The following GCNT1 variants were observed in gnomAD, a reference collection of about 807,000 sequenced individuals.
The protein encoded by GCNT1 is glucosaminyl (N-acetyl) transferase 1.
Under a neutral mutation model 26.2 loss-of-function variants are expected in GCNT1, and 16 were observed. The observed-to-expected ratio is 0.61, with a 90% CI of 0.41 to 0.93. The LOEUF (loss-of-function observed/expected upper bound fraction) is 0.93. GCNT1 is among the 40% of genes least tolerant of loss of function. The pLI, the probability that GCNT1 is intolerant of heterozygous loss-of-function variation, is 0.00. For missense variants in GCNT1, 477 were observed against 526.7 expected, an observed-to-expected ratio of 0.91 and a Z score of 0.92; for synonymous variants, 183 against 190.8, an observed-to-expected ratio of 0.96 and a Z score of 0.34.
chr9:76,409,500 T>C, the GCNT1 span, among the ~76,000 whole-genome samples: 58,767 of 152,016 alleles, frequency 0.39, 12,040 homozygotes, highest in Non-Finnish European at 0.44. Flanking sequence ...GCCCAGAGTG[T>C]GGTGGTGCAA....
upstream of GCNT1, among the ~76,000 whole-genome samples, chr9:76,441,297 C>G (rs1212847238): frequency 6.6e-6 from 1 of 152,028 alleles, no homozygotes; most frequent in Admixed American, 6.5e-5. Context: ...AGGTGCCCAC[C>G]ACCATGCCTG....
At chr9:76,458,608 A>G (rs117737426), upstream of GCNT1, among the ~76,000 whole-genome samples, 2 of 152,370 alleles carry the variant, frequency 1.3e-5, no homozygotes, top group Non-Finnish European at 2.9e-5. Context: ...GTCAACTTTT[A>G]TAACTGACAC....
intron 2 of GCNT1, among the ~76,000 whole-genome samples, chr9:76,486,936 C>G (rs1824595661): frequency 6.6e-6 from 1 of 151,836 alleles, no homozygotes; most frequent in East Asian, 1.9e-4. Flanking sequence ...AACAAACAAA[C>G]AAACAAAACT....
intron 1 of GCNT1, among the ~76,000 whole-genome samples, chr9:76,426,725 G>A (rs1292829111): frequency 3.3e-5 from 5 of 151,952 alleles, no homozygotes; most frequent in South Asian, 2.1e-4. Flanking sequence ...GCAAAACCCC[G>A]TCTCTATTAA....
At chr9:76,418,265 AG>A (rs1823149829), upstream of GCNT1, among the ~76,000 whole-genome samples, 1 of 152,220 alleles carries the variant, frequency 6.6e-6, no homozygotes, top group Non-Finnish European at 1.5e-5. Context: ...TGGAAACCAA[AG>A]TTTTATCATG....
At chr9:76,490,052 G>A (rs1275150961) in intron 2 of GCNT1, among the ~76,000 whole-genome samples, 11 of 152,234 alleles carry the variant, frequency 7.2e-5, no homozygotes, top group Non-Finnish European at 1.3e-4. Flanking sequence ...CAAGATGGCT[G>A]TCATGGGACC....
intron 2 of GCNT1, among the ~76,000 whole-genome samples, chr9:76,490,379 G>A (rs534844882): frequency 6.6e-6 from 1 of 152,250 alleles, no homozygotes; most frequent in East Asian, 1.9e-4. Flanking sequence ...GAGAGTGTGT[G>A]GTAGTAATGA....
the GCNT1 span, among the ~76,000 whole-genome samples, chr9:76,413,667 T>G: frequency 0.032 from 2,889 of 91,558 alleles, 60 homozygotes; most frequent in Non-Finnish European, 0.044. Flanking sequence ...TTTTTTTTTT[T>G]GTTTTTTTTT....
intron 2 of GCNT1, among the ~76,000 whole-genome samples, chr9:76,468,266 G>T (rs1824052377): frequency 6.6e-6 from 1 of 152,194 alleles, no homozygotes; most frequent in Non-Finnish European, 1.5e-5. Flanking sequence ...GGGATTCCTT[G>T]CCTAGCTGGA....
At chr9:76,489,898 G>T (rs142607348) in intron 2 of GCNT1, among the ~76,000 whole-genome samples, 12,542 of 152,004 alleles carry the variant, frequency 0.083, 569 homozygotes, top group Middle Eastern at 0.17. Flanking sequence ...CAGTGGGTCA[G>T]TCCAGGGGTC....
At chr9:76,410,356 C>T in the GCNT1 span, among the ~76,000 whole-genome samples, 1 of 152,106 alleles carries the variant, frequency 6.6e-6, no homozygotes, top group African/African-American at 2.4e-5. Context: ...CGCTTGAACC[C>T]AGGAGGCAGA....
intron 2 of GCNT1, among the ~76,000 whole-genome samples, chr9:76,462,565 A>G (rs1263143576): frequency 6.6e-6 from 1 of 152,242 alleles, no homozygotes; most frequent in African/African-American, 2.4e-5. Flanking sequence ...CTCCAGACAT[A>G]GGCAAATGTT....
chr9:76,501,876 C>G (rs1016896755), intron 3 of GCNT1: 1 of 152,198 alleles, frequency 6.6e-6, no homozygotes, highest in African/African-American at 2.4e-5. Context: ...ATAGACTGTT[C>G]AATCATTATT....
chr9:76,489,402 G>C (rs937176212), intron 2 of GCNT1, among the ~76,000 whole-genome samples: 2 of 152,210 alleles, frequency 1.3e-5, no homozygotes, highest in Non-Finnish European at 2.9e-5. Flanking sequence ...GACCCAAAGA[G>C]TGAGCAGCAG....
upstream of GCNT1, among the ~76,000 whole-genome samples, chr9:76,439,388 C>T (rs1823451920): frequency 6.6e-6 from 1 of 151,982 alleles, no homozygotes; most frequent in East Asian, 1.9e-4. Context: ...CCACGCCAGG[C>T]TAATTTTGGT....
intron 2 of GCNT1, among the ~76,000 whole-genome samples, chr9:76,468,187 G>A (rs73650224): frequency 0.098 from 14,902 of 152,042 alleles, 1,156 homozygotes; most frequent in African/African-American, 0.22. Context: ...GTGAGTCACC[G>A]CGCGCCGACC....
In GCNT1 at chr9:76,433,847, A is replaced by C. The variant is rs148632504; in HGVS notation, n.38+13960A>C. On this transcript the variant is annotated intron_variant and non_coding_transcript_variant, in intron 1 of 3. Coordinates refer to the GCNT1 transcript ENST00000488136. The stretch of plus-strand genomic sequence containing the variant: ...GGGGATTCTGACCCTTCTACTTTCT[A>C]GTGGCTGTGACTTCAGCCCTCAGTT... Among the ~76,000 whole-genome samples the C allele has an allele frequency of 1.8e-3, 268 of 152,316 alleles. 11 individuals are homozygous for C. The East Asian group carries it at 0.047, about 27-fold the overall frequency.
At chr9:76,494,868 G>A (rs543522173) in intron 2 of GCNT1, among the ~76,000 whole-genome samples, 5 of 152,212 alleles carry the variant, frequency 3.3e-5, no homozygotes, top group East Asian at 1.9e-4. Flanking sequence ...TCAGGACCCC[G>A]GAGCTGAATG....
chr9:76,500,372 AG>A (rs767099793), intron 2 of GCNT1, among the ~76,000 whole-genome samples: 3 of 152,212 alleles, frequency 2.0e-5, no homozygotes, highest in African/African-American at 2.4e-5. Context: ...TGAACCAGTA[AG>A]GGGCAGGAAT....
Sources: allele counts gnomAD v4.1 joint callset (sites outside exome capture counted in the v4.1 genomes callset), GRCh38; gene constraint gnomAD v4.1.1; transcripts MANE v1.5; gene names NCBI Gene and HGNC (gene_info 2026-07-23, HGNC 2026-07-21).